Variants in STXBP5L observed in about 807,000 individuals in gnomAD.
STXBP5L encodes syntaxin binding protein 5L.
STXBP5L carries 65 observed loss-of-function variants against 144.5 expected under a neutral mutation model. The ratio of observed to expected loss-of-function variants is 0.45; its 90% CI spans 0.37 to 0.55. STXBP5L has a LOEUF of 0.55. STXBP5L is among the 20% of genes least tolerant of loss of function. The pLI is 0.00. For synonymous variants in STXBP5L, 505 were observed against 469.6 expected (o/e 1.08, Z -0.97); for missense variants, 1,298 against 1,405.5 (o/e 0.92, Z 1.22).
chr3:121,123,869 T>C lies in STXBP5L; in HGVS notation c.669+2165T>C, dbSNP rs1016340972. On this transcript the variant is annotated intron_variant, in intron 7 of 26. Transcript: ENST00000471454. ...GTCTTTTGTCACAGAAGTTTTTTTA[T>C]TTTAATATATGCAGTTTTATCAGTC... 5.3e-5 allele frequency among the ~76,000 whole-genome samples: 8 copies of C among 151,926 alleles called. No individual in the cohort carries two copies. In the South Asian group the frequency reaches 1.7e-3, roughly 31 times the overall value.
intron 3 of STXBP5L, among the ~76,000 whole-genome samples, chr3:120,961,543 G>A (rs1431615813): frequency 1.3e-5 from 2 of 151,988 alleles, no homozygotes; most frequent in Non-Finnish European, 2.9e-5. Context: ...CTGTCCTTGC[G>A]ATAGTTTGCT....
At chr3:121,004,464 G>T (rs1488600851) in intron 3 of STXBP5L, among the ~76,000 whole-genome samples, 10 of 151,850 alleles carry the variant, frequency 6.6e-5, no homozygotes, top group South Asian at 2.1e-4. Flanking sequence ...AGACAATGGG[G>T]TTTTCTAGAT....
chr3:121,045,614 C>T, intron 5 of STXBP5L, 79 bp downstream of exon 5: 2 of 1,219,306 alleles, frequency 1.6e-6, no homozygotes, highest in South Asian at 1.4e-5. Context: ...ACTTGACAGG[C>T]TTTTTTCCTC....
chr3:121,149,122 C>T (rs947416752), intron 7 of STXBP5L, among the ~76,000 whole-genome samples: 2 of 151,788 alleles, frequency 1.3e-5, no homozygotes, highest in African/African-American at 4.8e-5. Context: ...TATTGTTTTT[C>T]TTGTATTACT....
At chr3:121,398,081 T>G (rs1355489479) in intron 22 of STXBP5L, among the ~76,000 whole-genome samples, 1 of 152,232 alleles carries the variant, frequency 6.6e-6, no homozygotes, top group Non-Finnish European at 1.5e-5. Flanking sequence ...TAATTTTACT[T>G]TTTCCGATTC....
At chr3:121,267,393 C>G (rs544811505) in intron 18 of STXBP5L, among the ~76,000 whole-genome samples, 17 of 152,224 alleles carry the variant, frequency 1.1e-4, no homozygotes, top group African/African-American at 3.6e-4. Context: ...TTCCTTAGAC[C>G]TTATACAAAA....
At chr3:121,219,330 G>A (rs531836787) in intron 10 of STXBP5L, among the ~76,000 whole-genome samples, 2 of 152,230 alleles carry the variant, frequency 1.3e-5, no homozygotes, top group South Asian at 4.1e-4. Context: ...ACAGTTATAA[G>A]TCAGGATGGC....
At chr3:121,040,308 A>T (rs1947060109) in intron 3 of STXBP5L, among the ~76,000 whole-genome samples, 1 of 152,112 alleles carries the variant, frequency 6.6e-6, no homozygotes, top group African/African-American at 2.4e-5. Context: ...GCTAAGCAGA[A>T]CCAGAGCAGT....
At chr3:120,994,172 T>C (rs1387172178) in intron 3 of STXBP5L, among the ~76,000 whole-genome samples, 1 of 152,112 alleles carries the variant, frequency 6.6e-6, no homozygotes, top group East Asian at 1.9e-4. Context: ...AATTTGTTTA[T>C]TAGTTCTAAG....
chr3:120,987,140 T>C (rs1022548140), intron 3 of STXBP5L, among the ~76,000 whole-genome samples: 11 of 152,116 alleles, frequency 7.2e-5, no homozygotes, highest in African/African-American at 2.4e-4. Context: ...AATCAGACTT[T>C]AAAAAGTCAA....
chr3:120,920,541 A>G (rs1485176697), intron 2 of STXBP5L, among the ~76,000 whole-genome samples: 2 of 151,884 alleles, frequency 1.3e-5, no homozygotes, highest in Non-Finnish European at 2.9e-5. Flanking sequence ...GAAATGTACA[A>G]TAGATCATTG....
intron 5 of STXBP5L, among the ~76,000 whole-genome samples, chr3:121,093,280 G>T (rs1279507693): frequency 6.6e-6 from 1 of 152,116 alleles, no homozygotes; most frequent in Non-Finnish European, 1.5e-5. Flanking sequence ...GATGATGCTG[G>T]CCTCATAAAA....
chr3:121,171,703 C>A (rs1484692316), intron 9 of STXBP5L, among the ~76,000 whole-genome samples: 2 of 152,108 alleles, frequency 1.3e-5, no homozygotes, highest in Non-Finnish European at 2.9e-5. Flanking sequence ...TAGGAGAGAA[C>A]ACAAACAAAT....
intron 3 of STXBP5L, among the ~76,000 whole-genome samples, chr3:120,972,686 A>G (rs760064105): frequency 6.6e-6 from 1 of 152,028 alleles, no homozygotes; most frequent in Non-Finnish European, 1.5e-5. Context: ...CTCATTGAGT[A>G]TGATGTTGGC....
At chr3:121,225,067 G>A (rs1420425660) in intron 11 of STXBP5L, among the ~76,000 whole-genome samples, 4 of 152,090 alleles carry the variant, frequency 2.6e-5, no homozygotes, top group African/African-American at 2.4e-5. Context: ...ATGTGGTAAT[G>A]AGGATGGAAC....
chr3:121,267,564 T>C (rs2108408720), intron 18 of STXBP5L, among the ~76,000 whole-genome samples: 1 of 152,150 alleles, frequency 6.6e-6, no homozygotes, highest in East Asian at 1.9e-4. Flanking sequence ...ACAAATGGGA[T>C]CTAATTAAAC....
chr3:121,023,390 A>G (rs1323106508), intron 3 of STXBP5L, among the ~76,000 whole-genome samples: 2 of 152,210 alleles, frequency 1.3e-5, no homozygotes, highest in African/African-American at 2.4e-5. Flanking sequence ...ACTAGAAAAT[A>G]CAATCATAAA....
chr3:121,049,484 C>G (rs796833200), intron 5 of STXBP5L, among the ~76,000 whole-genome samples: 2 of 152,094 alleles, frequency 1.3e-5, no homozygotes, highest in African/African-American at 4.8e-5. Flanking sequence ...ACGATTGCCC[C>G]TAATCACTGA....
chr3:121,248,832 G>A (rs1437926731), intron 14 of STXBP5L, among the ~76,000 whole-genome samples: 1 of 152,114 alleles, frequency 6.6e-6, no homozygotes, highest in Non-Finnish European at 1.5e-5. Context: ...TATGGTGAAA[G>A]GTAAGGGTCT....
Sources: gnomAD v4.1 joint callset for allele counts (sites outside exome capture counted in the v4.1 genomes callset) on GRCh38, gnomAD v4.1.1 for gene constraint, MANE v1.5 for transcripts, NCBI Gene and HGNC (gene_info 2026-07-23, HGNC 2026-07-21) for gene names.